Variants in GRB7 observed in about 807,000 individuals in gnomAD.
The protein encoded by GRB7 is growth factor receptor-bound protein 7.
GRB7 carries 47 observed loss-of-function variants against 64.1 expected under a neutral mutation model. The ratio of observed to expected loss-of-function variants is 0.73; its 90% CI spans 0.58 to 0.94. The LOEUF (loss-of-function observed/expected upper bound fraction) is 0.94. Ranked by LOEUF, GRB7 falls within the 40% of genes least tolerant of loss-of-function variation. The pLI, the probability that GRB7 is intolerant of heterozygous loss-of-function variation, is 0.00. For missense variants in GRB7, 634 were observed against 718.4 expected (o/e 0.88, Z 1.34); for synonymous variants, 277 against 279.9 (o/e 0.99, Z 0.10).
At chr17:39,743,129 A>G in intron 4 of GRB7, 51 bp from the exon 5 acceptor site, 1 of 1,606,252 alleles carries the variant, frequency 6.2e-7, no homozygotes, top group Non-Finnish European at 8.5e-7. Flanking sequence ...TGGCTCATCC[A>G]GGAGATCTGG....
At chr17:39,744,437 C>A (rs916023724) in intron 7 of GRB7, 116 bp from the exon 8 acceptor site, 2 of 895,594 alleles carry the variant, frequency 2.2e-6, no homozygotes, top group African/African-American at 3.3e-5. Context: ...TGCTGTGTGA[C>A]CCTGGGTATT....
rs2060033797 is a variant in GRB7, at chr17:39,745,222, TCTTTCTCTCC to T, written c.1012-19_1012-10del. The T allele has an allele frequency of 6.4e-7, 1 of 1,571,974 alleles. No individual in the cohort carries two copies. Among genetic ancestry groups the T allele is most frequent in the Admixed American group, 1.8e-5 (1 of 55,532 alleles). ...CCCAGGACCTCTCGACCTCAAGCTC[TCTTTCTCTCC>T]CCACCCCCAGTACGGGGTGCAGCTG... is the stretch of plus-strand genomic sequence containing the variant. On this transcript the variant is annotated splice_polypyrimidine_tract_variant and intron_variant, in intron 9 of 14. Coordinates refer to ENST00000309156, the MANE Select transcript of GRB7 (RefSeq NM_005310.5).
chr17:39,746,154 CCT>C lies in GRB7; in HGVS notation c.1409_1410del (p.Ser470PhefsTer27). Reference sequence around the variant, plus strand: ...GTCAGCGGAACCCCCAGGGCTTTGTCCTCTCTTTGTGCCACCTGCAGAAAGTG... The same window carrying C: ...GTCAGCGGAACCCCCAGGGCTTTGTCCTCTTTGTGCCACCTGCAGAAAGTG... ...ESQRNPQGFV[L>X]SLCHLQKVKH... On this transcript the variant is annotated frameshift_variant, in exon 14 of 15. Coordinates refer to ENST00000309156, the MANE Select transcript of GRB7 (RefSeq NM_005310.5). LOFTEE classifies it high-confidence loss of function. 5.0e-6 allele frequency: 8 copies of C among 1,614,052 alleles called. No individual in the cohort carries two copies. The highest frequency in any genetic ancestry group is 6.8e-6 in the Non-Finnish European group (8 of 1,179,980).
Position 39,746,844 on chromosome 17 carries a change from C to A in GRB7, c.1546C>A (p.Arg516Ser). ...LQLVEFHQLN[R>S]GILPCLLRHC... ...GCTCGTGGAGTTCCACCAGCTGAACCGCGGCATCCTGCCGTGCTTGCTGCG... is the reference window on the plus strand; with the variant it reads ...GCTCGTGGAGTTCCACCAGCTGAACAGCGGCATCCTGCCGTGCTTGCTGCG... Residue 516 changes from arginine (R) to serine (S), a missense_variant, in exon 15 of 15, where the codon CGC (arginine) becomes AGC (serine). Arg to Ser is a moderately radical substitution (Grantham distance 110). Coordinates refer to ENST00000309156, the MANE Select transcript of GRB7 (RefSeq NM_005310.5). 1 of 1,613,538 alleles carries A rather than the reference C, an allele frequency of 6.2e-7. No homozygotes were observed. Among genetic ancestry groups the A allele is most frequent in the African/African-American group, 1.3e-5 (1 of 75,048 alleles).
intron 1 of GRB7, chr17:39,740,098 G>A: frequency 1.0e-6 from 1 of 985,598 alleles, no homozygotes; most frequent in Non-Finnish European, 1.2e-6. Context: ...CCCCACTGTT[G>A]GTCTGTGATT....
At position 39,746,977 on chromosome 17, in the gene GRB7, C is replaced by A; in HGVS notation, c.*80C>A. Reference sequence around the variant, plus strand: ...TCCACCCATCCAGTGGACTCTGGGGCGCGGCCACAGGGGACGGGATGAGGA... The same window carrying A: ...TCCACCCATCCAGTGGACTCTGGGGAGCGGCCACAGGGGACGGGATGAGGA... On this transcript the variant is annotated 3_prime_UTR_variant, in exon 15 of 15. Transcript: ENST00000309156. 6.8e-7 allele frequency: 1 copy of A among 1,480,230 alleles called. No individual in the cohort carries two copies. The highest frequency in any genetic ancestry group is 9.1e-7 in the Non-Finnish European group (1 of 1,094,252). 91.7% of individuals were successfully genotyped at this position (1,480,230 alleles called of 1,614,324 possible).
In GRB7 at chr17:39,746,202, G is replaced by A. The variant is rs764605315; in HGVS notation, c.1452G>A (p.Pro484=). 18 of 1,612,850 alleles carry A rather than the reference G, an allele frequency of 1.1e-5. No homozygotes were observed. The Middle Eastern group carries it at 9.9e-4, about 88-fold the overall frequency. Residue 484 remains proline, a splice_region_variant and synonymous_variant, in exon 14 of 15, where the codon CCG becomes CCA. Transcript: ENST00000309156. The part of the protein sequence containing the change: ...LQKVKHYLIL[P]SEEEGRLYFS... ...AAGTGAAGCATTATCTCATCCTGCC[G>A]GTGAGCTTCCCTGCGTCCCCGGAGT...
At position 39,742,377 on chromosome 17, in the gene GRB7, G is replaced by A; in HGVS notation, c.76G>A (p.Gly26Arg). The change falls in exon 2 of 15, where the codon GGG becomes AGG. Residue 26 changes from glycine (G) to arginine (R), a missense_variant. By Grantham distance (125) the Gly-to-Arg change is moderately radical. Coordinates refer to ENST00000309156, the MANE Select transcript of GRB7 (RefSeq NM_005310.5). ...TTGCCCAGCCCCTGGGACCCCTCCT[G>A]GGACTCCCCGGCCCCCTGATACCCC... is the stretch of plus-strand genomic sequence containing the variant. ...DLCPAPGTPP[G>R]TPRPPDTPLP... 2 of 1,613,952 alleles carry A rather than the reference G, an allele frequency of 1.2e-6. No homozygotes were observed. Among genetic ancestry groups the A allele is most frequent in the Non-Finnish European group, 8.5e-7 (1 of 1,179,964 alleles).
At chr17:39,745,044 C>A in intron 9 of GRB7, 60 bp downstream of exon 9, 1 of 1,332,120 alleles carries the variant, frequency 7.5e-7, no homozygotes, top group Non-Finnish European at 1.1e-6. Flanking sequence ...CAGCTCTGCC[C>A]TCAGGAAGTC....
At chr17:39,744,279 G>A (rs1266249280) in intron 7 of GRB7, 72 bp downstream of exon 7, 66 of 1,574,884 alleles carry the variant, frequency 4.2e-5, no homozygotes, top group Non-Finnish European at 5.5e-5. Context: ...CTTCTCTGCT[G>A]GAACCTCTGA....
chr17:39,741,917 C>T (rs1320084476), intron 1 of GRB7, among the ~76,000 whole-genome samples: 4 of 133,806 alleles, frequency 3.0e-5, no homozygotes, highest in East Asian at 2.2e-4. Context: ...GGTTAAGGCA[C>T]GAGAATTACT....
At position 39,745,798 on chromosome 17, in the gene GRB7, G is replaced by A. The variant is rs185133474; in HGVS notation, c.1270+10G>A. 6.6e-5 allele frequency: 107 copies of A among 1,613,908 alleles called. No individual in the cohort carries two copies. The African/African-American group carries it at 7.3e-4, about 11-fold the overall frequency. On this transcript the variant is annotated intron_variant, in intron 12 of 14. Coordinates refer to ENST00000309156, the MANE Select transcript of GRB7 (RefSeq NM_005310.5). Reference sequence around the variant, plus strand: ...ACGAGCCTCAGTGCAGGTGGGTGACGGCCCCGAGTCCTGGGGCGGGGGCTG... The same window carrying A: ...ACGAGCCTCAGTGCAGGTGGGTGACAGCCCCGAGTCCTGGGGCGGGGGCTG...
chr17:39,744,200 C>A lies in GRB7; in HGVS notation c.794C>A (p.Thr265Asn). Residue 265 changes from threonine (T) to asparagine (N), a missense_variant, in exon 7 of 15, where the codon ACC becomes AAC. Transcript: ENST00000309156. ...RSGLYYSTKG[T>N]SKDPRHLQYV... ...GGCCTCTATTACTCCACCAAGGGCA[C>A]CTCTAAGGTAAGGTCTTGAGGGTAC... 1 of 1,613,910 alleles carries A rather than the reference C, an allele frequency of 6.2e-7. No individual in the cohort carries two copies. The highest frequency in any genetic ancestry group is 8.5e-7 in the Non-Finnish European group (1 of 1,180,014).
chr17:39,744,910 A>G lies in GRB7; in HGVS notation c.937A>G (p.Lys313Glu). The G allele has an allele frequency of 6.2e-7, 1 of 1,614,114 alleles. No homozygotes were observed. Among genetic ancestry groups the G allele is most frequent in the Non-Finnish European group, 8.5e-7 (1 of 1,179,974 alleles). The change falls in exon 9 of 15, where the codon AAG becomes GAG. Residue 313 changes from lysine to glutamate, a missense_variant. Around this residue, in one of 2 missense-constraint regions of GRB7, gnomAD observed 467 missense variants for 576.6 expected, o/e 0.81. Transcript: ENST00000309156. ...VKPNKLRNGH[K>E]GLRIFCSEDE... ...GCCCAACAAGCTTCGAAATGGCCAC[A>G]AGGGGCTTCGGATCTTCTGCAGTGA... is the stretch of plus-strand genomic sequence containing the variant.
Position 39,745,426 on chromosome 17 carries a change from G to T in GRB7, c.1097G>T (p.Ser366Ile). The change falls in exon 11 of 15, where the codon AGT (serine) becomes ATT (isoleucine). Residue 366 changes from serine to isoleucine, a missense_variant. Physicochemically the swap from Ser to Ile is moderately radical, Grantham distance 142 (BLOSUM62 -2). Transcript: ENST00000309156. ...PSCLGSPPLR[S>I]ASDNTLVAMD... is the part of the protein sequence containing the mutation. ...CTCCTCTCCTTCCATCTCCAGAGAA[G>T]TGCCTCAGATAATACCCTGGTGGCC... 6.2e-7 allele frequency: 1 copy of T among 1,613,962 alleles called. No individual in the cohort carries two copies. The highest frequency in any genetic ancestry group is 1.3e-5 in the African/African-American group (1 of 75,052).
At position 39,747,002 on chromosome 17, in the gene GRB7, A is replaced by C; in HGVS notation, c.*105A>C. ...CGCGGCCACAGGGGACGGGATGAGG[A>C]GCGGGAGGGTTCCGCCACTCCAGTT... On this transcript the variant is annotated 3_prime_UTR_variant, in exon 15 of 15. Coordinates refer to ENST00000309156, the MANE Select transcript of GRB7 (RefSeq NM_005310.5). The C allele has an allele frequency of 7.8e-7, 1 of 1,282,520 alleles. No individual in the cohort carries two copies. Among genetic ancestry groups the C allele is most frequent in the East Asian group, 2.4e-5 (1 of 41,224 alleles). The allele number at this position is 1,282,520 out of a possible 1,614,324, so 79.4% of individuals were successfully genotyped here.
intron 12 of GRB7, 45 bp from the exon 13 acceptor site, chr17:39,745,868 G>C (rs751372023): frequency 1.2e-6 from 2 of 1,611,612 alleles, no homozygotes; most frequent in African/African-American, 2.7e-5. Flanking sequence ...GATGGTATAG[G>C]GGTCCCCTCC....
chr17:39,739,737 G>C (rs1254841665), intron 1 of GRB7, among the ~76,000 whole-genome samples: 1 of 152,258 alleles, frequency 6.6e-6, no homozygotes, highest in Non-Finnish European at 1.5e-5. Context: ...TGGGGGAGGA[G>C]GCAGCTGGGA....
intron 1 of GRB7, chr17:39,739,048 CT>C: frequency 2.2e-6 from 2 of 910,492 alleles, no homozygotes; most frequent in South Asian, 3.8e-5. Context: ...ATGGTTTCTT[CT>C]GCTTGATGAG....
Sources: allele counts gnomAD v4.1 joint callset (sites outside exome capture counted in the v4.1 genomes callset), GRCh38; gene constraint gnomAD v4.1.1; regional missense constraint gnomAD v4.1.1; transcripts MANE v1.5; gene names NCBI Gene and HGNC (gene_info 2026-07-23, HGNC 2026-07-21).